PHLPP2: variants seen among roughly 807,000 people sequenced by gnomAD.
The protein encoded by PHLPP2 is PH domain and leucine rich repeat protein phosphatase 2.
PHLPP2 carries 66 observed loss-of-function variants against 124.9 expected under a neutral mutation model. The ratio of observed to expected loss-of-function variants is 0.53; its 90% CI spans 0.43 to 0.65. PHLPP2 has a LOEUF of 0.65. PHLPP2 is among the 30% of genes least tolerant of loss of function. The pLI, the probability that PHLPP2 is intolerant of heterozygous loss-of-function variation, is 0.00. For missense variants in PHLPP2, 1,685 were observed against 1,600.4 expected, an observed-to-expected ratio of 1.05 and a Z score of -0.90; for synonymous variants, 681 against 624.7, an observed-to-expected ratio of 1.09 and a Z score of -1.34.
chr16:71,712,343 A>T (rs887361796), intron 2 of PHLPP2, among the ~76,000 whole-genome samples: 1 of 152,230 alleles, frequency 6.6e-6, no homozygotes, highest in African/African-American at 2.4e-5. Flanking sequence ...TAAATGATGA[A>T]GGCTACAGGG....
chr16:71,718,133 T>C (rs1351412740), intron 1 of PHLPP2, among the ~76,000 whole-genome samples: 1 of 152,040 alleles, frequency 6.6e-6, no homozygotes, highest in Non-Finnish European at 1.5e-5. Context: ...ACTCAAGCAA[T>C]CCTCCTGCTT....
At position 71,714,716 on chromosome 16, in the gene PHLPP2, T is replaced by C. The variant is rs775287382; in HGVS notation, c.80A>G (p.Asp27Gly). 1.8e-5 allele frequency: 29 copies of C among 1,614,200 alleles called. No individual in the cohort carries two copies. In the South Asian group the frequency reaches 2.3e-4, roughly 13 times the overall value. ...GSRERDWLRE[D>G]VKRGCVYLYG... ...AAGGTAAACACAGCCTCTCTTTACA[T>C]CTTCTCTTAGCCAGTCTCTTTCTCG... The change falls in exon 2 of 19, where the codon GAT (aspartate) becomes GGT (glycine). Residue 27 changes from aspartate (D) to glycine (G), a missense_variant. Asp to Gly is a moderately conservative substitution (Grantham distance 94). Transcript: ENST00000568954.
At chr16:71,679,030 C>T (rs372276197) in intron 7 of PHLPP2, 45 bp from the exon 8 acceptor site, 7 of 1,037,620 alleles carry the variant, frequency 6.7e-6, no homozygotes, top group Admixed American at 1.8e-5. Context: ...AAAGGTTTCA[C>T]TGGAATGCAC....
intron 9 of PHLPP2, among the ~76,000 whole-genome samples, chr16:71,675,349 T>C (rs1313358401): frequency 6.6e-6 from 1 of 152,166 alleles, no homozygotes; most frequent in Non-Finnish European, 1.5e-5. Flanking sequence ...ATATCAAAAG[T>C]AAACAAAGGT....
At chr16:71,718,015 C>T (rs556160908) in intron 1 of PHLPP2, among the ~76,000 whole-genome samples, 1 of 152,280 alleles carries the variant, frequency 6.6e-6, no homozygotes, top group East Asian at 1.9e-4. Context: ...CCTCAGCCTT[C>T]AGAGTAGCTG....
intron 3 of PHLPP2, among the ~76,000 whole-genome samples, chr16:71,696,844 A>G (rs1264426466): frequency 3.3e-5 from 5 of 152,092 alleles, no homozygotes; most frequent in Admixed American, 6.6e-5. Flanking sequence ...TCAAGTGAGC[A>G]TTCTGTTTTG....
rs188106439 is a variant in PHLPP2, at chr16:71,714,087, G to A, written c.284+425C>T. Among the ~76,000 whole-genome samples the A allele has an allele frequency of 1.4e-4, 21 of 151,696 alleles. No homozygotes were observed. The East Asian group carries it at 2.3e-3, about 17-fold the overall frequency. The stretch of plus-strand genomic sequence containing the variant: ...CCTGACTAGCTGGGATTACAGGTGC[G>A]CACTACCATGCCTGGCTAATTTTTA... On this transcript the variant is annotated intron_variant, in intron 2 of 18. Transcript: ENST00000568954.
At chr16:71,709,943 C>T (rs1597017204) in intron 2 of PHLPP2, among the ~76,000 whole-genome samples, 2 of 152,198 alleles carry the variant, frequency 1.3e-5, no homozygotes, top group East Asian at 3.9e-4. Context: ...AAGCGATTCT[C>T]CTACCTCAGC....
chr16:71,700,309 G>A (rs1430677042), intron 3 of PHLPP2, among the ~76,000 whole-genome samples: 1 of 151,934 alleles, frequency 6.6e-6, no homozygotes. Flanking sequence ...GGAGGCTGAG[G>A]TGGGAGAATC....
intron 3 of PHLPP2, among the ~76,000 whole-genome samples, chr16:71,701,288 C>CTATCTATCTATCTATCTATCTATA (rs2045230058): frequency 1.1e-5 from 1 of 91,540 alleles, no homozygotes; most frequent in African/African-American, 4.3e-5. Context: ...ATCTATCTAT[C>CTATCTATCTATCTATCTATCTATA]TATCTATCTA....
chr16:71,668,425 A>G (rs2044859429), intron 11 of PHLPP2, among the ~76,000 whole-genome samples: 1 of 145,850 alleles, frequency 6.9e-6, no homozygotes, highest in Non-Finnish European at 1.5e-5. Flanking sequence ...CAAAAAAAAA[A>G]AAAAAAAAAA....
In PHLPP2 at chr16:71,649,273, G is replaced by A. The variant is rs2044676535; in HGVS notation, c.3589C>T (p.His1197Tyr). ...ATCCCAAAACACGACCCTCTAGCAT[G>A]TTCCTCAGAACACAGGGTAGGAGAA... Reference protein sequence around the residue: ...ESSPTLCSEEHARGSCFGIRR... With the variant: ...ESSPTLCSEEYARGSCFGIRR... The change falls in exon 19 of 19, where the codon CAT becomes TAT. Residue 1197 changes from histidine to tyrosine, a missense_variant. By Grantham distance (83) the His-to-Tyr change is moderately conservative. Coordinates refer to ENST00000568954, the MANE Select transcript of PHLPP2 (RefSeq NM_015020.3). The A allele has an allele frequency of 1.2e-6, 2 of 1,613,948 alleles. No homozygotes were observed. The highest frequency in any genetic ancestry group is 1.7e-6 in the Non-Finnish European group (2 of 1,179,996).
chr16:71,660,706 T>C (rs1363502386), intron 13 of PHLPP2, among the ~76,000 whole-genome samples: 3 of 151,930 alleles, frequency 2.0e-5, no homozygotes, highest in Non-Finnish European at 2.9e-5. Flanking sequence ...GCCCGGCCTA[T>C]ACATTGTATT....
Position 71,678,784 on chromosome 16 carries a change from C to T in PHLPP2, c.1239G>A (p.Arg413=), listed in dbSNP as rs1409505348. 3.7e-6 allele frequency: 6 copies of T among 1,603,734 alleles called. No individual in the cohort carries two copies. Among genetic ancestry groups the T allele is most frequent in the Non-Finnish European group, 5.1e-6 (6 of 1,170,618 alleles). Residue 413 remains arginine, a synonymous_variant, in exon 8 of 19, where the codon AGG becomes AGA. Transcript: ENST00000568954. ...LEVLNLGVLN[R]MNHIKHVDLR... is the part of the protein sequence containing the mutation. ...AATCCACATGCTTGATATGGTTCATCCTATTCAGCACCCCTAAGTTCAGGA... is the reference window on the plus strand; with the variant it reads ...AATCCACATGCTTGATATGGTTCATTCTATTCAGCACCCCTAAGTTCAGGA...
chr16:71,663,498 GACTGTA>G (rs1246838400), intron 13 of PHLPP2, among the ~76,000 whole-genome samples: 5 of 152,172 alleles, frequency 3.3e-5, no homozygotes, highest in African/African-American at 1.2e-4. Context: ...AGAGGACAGA[GACTGTA>G]ACTGTTCACA....
At chr16:71,704,058 C>CA (rs1342650507) in intron 2 of PHLPP2, among the ~76,000 whole-genome samples, 1 of 152,122 alleles carries the variant, frequency 6.6e-6, no homozygotes, top group Non-Finnish European at 1.5e-5. Context: ...CGCAGTGGCT[C>CA]ACGCCTGTAA....
chr16:71,700,063 A>G (rs916703995), intron 3 of PHLPP2, among the ~76,000 whole-genome samples: 1 of 152,162 alleles, frequency 6.6e-6, no homozygotes, highest in South Asian at 2.1e-4. Context: ...CCCTGTCACA[A>G]GTCCCAAAGA....
chr16:71,669,176 C>A (rs2044867450), intron 11 of PHLPP2, 99 bp downstream of exon 11: 1 of 737,874 alleles, frequency 1.4e-6, no homozygotes, highest in South Asian at 1.6e-5. Flanking sequence ...ACTCAACACA[C>A]TGAACAAATA....
At position 71,649,013 on chromosome 16, in the gene PHLPP2, C is replaced by A; in HGVS notation, c.3849G>T (p.Val1283=). The A allele has an allele frequency of 1.2e-6, 2 of 1,614,058 alleles. No homozygotes were observed. The highest frequency in any genetic ancestry group is 1.7e-6 in the Non-Finnish European group (2 of 1,179,966). ...TQMEPEDQFV[V]PHDLEEEVKE... is the part of the protein sequence containing the mutation. ...TCACTTCTTCTTCCAGGTCATGAGG[C>A]ACAACAAACTGGTCCTCTGGTTCCA... The change falls in exon 19 of 19, where the codon GTG becomes GTT. Residue 1283 remains valine (V), a synonymous_variant. Transcript: ENST00000568954.
Sources: gnomAD v4.1 joint callset for allele counts (sites outside exome capture counted in the v4.1 genomes callset) on GRCh38, gnomAD v4.1.1 for gene constraint, MANE v1.5 for transcripts, NCBI Gene and HGNC (gene_info 2026-07-23, HGNC 2026-07-21) for gene names.